Variants in SH3RF2 observed in about 807,000 individuals in gnomAD.
SH3RF2 encodes the protein E3 ubiquitin-protein ligase SH3RF2.
Under a neutral mutation model 59.0 loss-of-function variants are expected in SH3RF2, and 43 were observed. That is an observed-to-expected ratio of 0.73 (90% CI 0.57 to 0.94). The LOEUF is 0.94. Ranked by LOEUF, SH3RF2 falls within the 40% of genes least tolerant of loss-of-function variation. The pLI, the probability that SH3RF2 is intolerant of heterozygous loss-of-function variation, is 0.00. For missense variants in SH3RF2, 930 were observed against 940.1 expected, an observed-to-expected ratio of 0.99 and a Z score of 0.14; for synonymous variants, 391 against 391.5, an observed-to-expected ratio of 1.00 and a Z score of 0.01.
chr5:145,995,366 G>T (rs1760107388), intron 2 of SH3RF2, among the ~76,000 whole-genome samples: 1 of 152,214 alleles, frequency 6.6e-6, no homozygotes, highest in South Asian at 2.1e-4. Flanking sequence ...AAATTGAGAG[G>T]AAGAAGTATG....
intron 2 of SH3RF2, among the ~76,000 whole-genome samples, chr5:145,970,528 G>A (rs1028237900): frequency 1.1e-4 from 16 of 152,062 alleles, no homozygotes; most frequent in African/African-American, 3.9e-4. Flanking sequence ...TGGTTGATGG[G>A]CATTTAGGCT....
At chr5:146,018,171 T>C (rs1047801397) in intron 5 of SH3RF2, among the ~76,000 whole-genome samples, 3 of 152,100 alleles carry the variant, frequency 2.0e-5, no homozygotes, top group Non-Finnish European at 4.4e-5. Flanking sequence ...AGTGGTGAAG[T>C]CTGAGATTTT....
chr5:146,059,093 G>C (rs1307634187), intron 8 of SH3RF2, among the ~76,000 whole-genome samples: 1 of 152,118 alleles, frequency 6.6e-6, no homozygotes, highest in Non-Finnish European at 1.5e-5. Flanking sequence ...ATTATCTCCA[G>C]CTTACAAACG....
At chr5:145,995,232 G>T (rs144925815) in intron 2 of SH3RF2, among the ~76,000 whole-genome samples, 33 of 152,230 alleles carry the variant, frequency 2.2e-4, no homozygotes, top group Non-Finnish European at 3.7e-4. Context: ...AGAAAACTCC[G>T]GACGGATGCT....
chr5:146,019,296 A>G (rs923744868), intron 5 of SH3RF2, among the ~76,000 whole-genome samples: 6 of 152,048 alleles, frequency 3.9e-5, no homozygotes, highest in Admixed American at 6.6e-5. Context: ...ATATGGTGAG[A>G]GGTAAGGATT....
intron 2 of SH3RF2, among the ~76,000 whole-genome samples, chr5:145,967,329 G>T (rs1416527441): frequency 6.6e-6 from 1 of 152,018 alleles, no homozygotes; most frequent in Non-Finnish European, 1.5e-5. Context: ...CTGACTATTG[G>T]CTAAGCACTG....
At chr5:145,975,385 T>A (rs1182604176) in intron 2 of SH3RF2, among the ~76,000 whole-genome samples, 1 of 152,198 alleles carries the variant, frequency 6.6e-6, no homozygotes, top group Non-Finnish European at 1.5e-5. Context: ...GCCAAGTCTC[T>A]CATCTTAGAG....
downstream of SH3RF2, among the ~76,000 whole-genome samples, chr5:146,064,850 AAGAAAGAAAGAAAGAG>A (rs1763058960): frequency 4.6e-5 from 1 of 21,628 alleles, no homozygotes; most frequent in African/African-American, 6.5e-5. Context: ...GAAAGAAAGA[AAGAAAGAAAGAAAGAG>A]AAAGAAAAAG....
chr5:146,047,762 G>A lies in SH3RF2; in HGVS notation c.1060-10G>A, dbSNP rs757487271. 1 of 1,613,682 alleles carries A rather than the reference G, an allele frequency of 6.2e-7. No individual in the cohort carries two copies. The highest frequency in any genetic ancestry group is 8.5e-7 in the Non-Finnish European group (1 of 1,179,882). ...TTGGTTCTGCTTGGCTGTCTTTTCT[G>A]TCTGTGCAGGTCAGCACTTATCACC... On this transcript the variant is annotated splice_polypyrimidine_tract_variant and intron_variant, in intron 5 of 9. Transcript: ENST00000359120.
intron 2 of SH3RF2, among the ~76,000 whole-genome samples, chr5:145,938,661 AAG>A (rs1757695462): frequency 1.4e-5 from 2 of 145,466 alleles, no homozygotes; most frequent in Non-Finnish European, 3.1e-5. Flanking sequence ...GGAGAAACAA[AAG>A]AGAGAAAACA....
intron 7 of SH3RF2, among the ~76,000 whole-genome samples, chr5:146,053,062 T>C (rs1211510231): frequency 6.6e-6 from 1 of 152,100 alleles, no homozygotes; most frequent in Non-Finnish European, 1.5e-5. Context: ...CTTATTAACA[T>C]CATCACCTAA....
intron 4 of SH3RF2, among the ~76,000 whole-genome samples, chr5:146,006,231 T>A (rs1408714171): frequency 2.6e-5 from 4 of 152,140 alleles, no homozygotes; most frequent in Non-Finnish European, 5.9e-5. Context: ...GAGACCAGCT[T>A]GGGCAACATA....
intron 2 of SH3RF2, among the ~76,000 whole-genome samples, chr5:145,940,358 A>G (rs2149937590): frequency 1.3e-5 from 2 of 152,314 alleles, no homozygotes; most frequent in Middle Eastern, 6.8e-3. Flanking sequence ...GGATATGAAC[A>G]AACCTATTTC....
chr5:146,028,209 C>CACACACAGAG (rs1491332228), intron 5 of SH3RF2, among the ~76,000 whole-genome samples: 4 of 128,938 alleles, frequency 3.1e-5, no homozygotes, highest in African/African-American at 1.1e-4. Flanking sequence ...CACACACACA[C>CACACACAGAG]AGAGATAATT....
chr5:145,985,625 T>C (rs959486845), intron 2 of SH3RF2, among the ~76,000 whole-genome samples: 2 of 152,204 alleles, frequency 1.3e-5, no homozygotes, highest in African/African-American at 4.8e-5. Context: ...GTTTCAACAG[T>C]TATTACCATT....
intron 3 of SH3RF2, among the ~76,000 whole-genome samples, chr5:146,002,535 A>AGGAAGGAAGGAAGGAAGGAT (rs1405378041): frequency 7.0e-6 from 1 of 143,254 alleles, no homozygotes; most frequent in Non-Finnish European, 1.5e-5. Flanking sequence ...GAAGGAAGGA[A>AGGAAGGAAGGAAGGAAGGAT]GGATAACCTA....
intron 9 of SH3RF2, among the ~76,000 whole-genome samples, chr5:146,076,484 C>T (rs548821012): frequency 9.4e-4 from 143 of 152,286 alleles, no homozygotes; most frequent in African/African-American, 3.4e-3. Flanking sequence ...ATGAACCCCC[C>T]GCCCATGTTC....
rs1185670712 is a variant in SH3RF2, at chr5:146,000,098, A to G, written c.419A>G (p.Asn140Ser). Reference sequence around the variant, plus strand: ...GCCTTATGCAACTACAGAGGGCAGAATCCCGGTGACCTAAGGTTTAATAAG... The same window carrying G: ...GCCTTATGCAACTACAGAGGGCAGAGTCCCGGTGACCTAAGGTTTAATAAG... ...AKALCNYRGQ[N>S]PGDLRFNKGD... Residue 140 changes from asparagine (N) to serine (S), a missense_variant, in exon 3 of 10, where the codon AAT (asparagine) becomes AGT (serine). Coordinates refer to ENST00000359120, the MANE Select transcript of SH3RF2 (RefSeq NM_152550.4). The G allele has an allele frequency of 6.2e-7, 1 of 1,613,544 alleles. No homozygotes were observed. The highest frequency in any genetic ancestry group is 1.1e-5 in the South Asian group (1 of 90,932).
chr5:146,036,572 G>A (rs550784769), intron 5 of SH3RF2, among the ~76,000 whole-genome samples: 16 of 152,242 alleles, frequency 1.1e-4, no homozygotes, highest in African/African-American at 3.6e-4. Flanking sequence ...ACACACGCCT[G>A]TAATCCCAGC....
Sources: gnomAD v4.1 joint callset for allele counts (sites outside exome capture counted in the v4.1 genomes callset) on GRCh38, gnomAD v4.1.1 for gene constraint, MANE v1.5 for transcripts, NCBI Gene and HGNC (gene_info 2026-07-23, HGNC 2026-07-21) for gene names.